Variants in NFIL3 observed in about 807,000 individuals in gnomAD.
NFIL3 encodes nuclear factor, interleukin 3 regulated, also known as nuclear factor interleukin-3-regulated protein.
In NFIL3, 5 loss-of-function variants were observed where a neutral mutation model predicts 10.0. The observed-to-expected ratio is 0.50, with a 90% CI of 0.26 to 1.06. The LOEUF is 1.06. NFIL3 is among the 50% of genes least tolerant of loss of function. The pLI, the probability that NFIL3 is intolerant of heterozygous loss-of-function variation, is 0.13. For synonymous variants in NFIL3, 202 were observed against 206.5 expected (o/e 0.98, Z 0.19); for missense variants, 436 against 547.6 (o/e 0.80, Z 2.03).
At chr9:91,427,619 T>G (rs1228195860), upstream of NFIL3, among the ~76,000 whole-genome samples, 2 of 150,128 alleles carry the variant, frequency 1.3e-5, no homozygotes, top group Non-Finnish European at 3.0e-5. Flanking sequence ...GCATACCGTT[T>G]TTGTTGTTGT....
chr9:91,409,090 A>AC lies in NFIL3; in HGVS notation c.*255dup. 1 of 349,006 alleles carries AC rather than the reference A, an allele frequency of 2.9e-6. No individual in the cohort carries two copies. The highest frequency in any genetic ancestry group is 5.1e-6 in the Non-Finnish European group (1 of 194,278). 21.6% of individuals were successfully genotyped at this position (349,006 alleles called of 1,614,324 possible). On this transcript the variant is annotated 3_prime_UTR_variant, in exon 2 of 2. Coordinates refer to ENST00000297689, the MANE Select transcript of NFIL3 (RefSeq NM_005384.3). ...CTTTATTGAAACTGGTAACTTACAC[A>AC]CTTTATAATAGAACAACAAAAATAA...
the NFIL3 span, among the ~76,000 whole-genome samples, chr9:91,465,865 T>G: frequency 6.6e-6 from 1 of 152,152 alleles, no homozygotes. Context: ...CCTCTTCACT[T>G]TAACCTTTCA....
At chr9:91,423,472 A>G (rs1024112397) in intron 1 of NFIL3, among the ~76,000 whole-genome samples, 168 bp downstream of exon 1, 1 of 151,820 alleles carries the variant, frequency 6.6e-6, no homozygotes, top group Admixed American at 6.6e-5. Context: ...CAAGGCAGCA[A>G]AAGTTTATGT....
intron 1 of NFIL3, 121 bp from the exon 2 acceptor site, chr9:91,411,027 GTTCT>G (rs1833538537): frequency 2.4e-6 from 1 of 424,218 alleles, no homozygotes; most frequent in Admixed American, 4.0e-5. Flanking sequence ...CATGGCCACA[GTTCT>G]TTCTTTCAAC....
At chr9:91,440,908 G>A in the NFIL3 span, among the ~76,000 whole-genome samples, 8 of 152,098 alleles carry the variant, frequency 5.3e-5, no homozygotes, top group Non-Finnish European at 1.0e-4. Context: ...GTTAAGGGTT[G>A]TTTTGTGGCC....
At chr9:91,415,035 T>G (rs1221392044) in intron 1 of NFIL3, among the ~76,000 whole-genome samples, 1 of 152,152 alleles carries the variant, frequency 6.6e-6, no homozygotes, top group Non-Finnish European at 1.5e-5. Context: ...AACAGAGAGA[T>G]TCTCTTATTC....
the NFIL3 span, among the ~76,000 whole-genome samples, chr9:91,453,313 C>A: frequency 6.6e-6 from 1 of 152,052 alleles, no homozygotes; most frequent in African/African-American, 2.4e-5. Flanking sequence ...ATCCCCAAGT[C>A]TGGTCACATT....
the NFIL3 span, among the ~76,000 whole-genome samples, chr9:91,460,271 C>CTTTTTTTTTTTTTTGTTT: frequency 1.4e-5 from 1 of 70,444 alleles, no homozygotes; most frequent in Non-Finnish European, 2.4e-5. Context: ...GGGCTTGGTT[C>CTTTTTTTTTTTTTTGTTT]TTTTTTTTTT....
At chr9:91,463,143 G>T in the NFIL3 span, among the ~76,000 whole-genome samples, 23 of 151,566 alleles carry the variant, frequency 1.5e-4, no homozygotes, top group African/African-American at 5.5e-4. Flanking sequence ...ACCAGCTTTT[G>T]GTTTTGTTGA....
At chr9:91,457,813 T>C in the NFIL3 span, among the ~76,000 whole-genome samples, 23 of 152,252 alleles carry the variant, frequency 1.5e-4, no homozygotes, top group African/African-American at 5.5e-4. Context: ...AGGTTTATTG[T>C]AGGTACTCTT....
chr9:91,415,450 G>A (rs1833636184), intron 1 of NFIL3, among the ~76,000 whole-genome samples: 1 of 152,096 alleles, frequency 6.6e-6, no homozygotes, highest in South Asian at 2.1e-4. Flanking sequence ...CGTACATTCA[G>A]GCCCAGTTCC....
chr9:91,415,790 A>G (rs1443776374), intron 1 of NFIL3, among the ~76,000 whole-genome samples: 2 of 151,932 alleles, frequency 1.3e-5, no homozygotes, highest in East Asian at 1.9e-4. Context: ...ACCATGCCCA[A>G]CTAATTTTGT....
At chr9:91,423,219 C>G (rs554565216) in intron 1 of NFIL3, among the ~76,000 whole-genome samples, 73 of 152,294 alleles carry the variant, frequency 4.8e-4, no homozygotes, top group African/African-American at 1.6e-3. Flanking sequence ...TCCTCTCCCC[C>G]CTACGCCGCC....
chr9:91,460,829 A>C, the NFIL3 span, among the ~76,000 whole-genome samples: 1 of 152,182 alleles, frequency 6.6e-6, no homozygotes, highest in African/African-American at 2.4e-5. Flanking sequence ...TGCATTGGGC[A>C]CCCTCTGAAA....
chr9:91,452,708 A>G, the NFIL3 span, among the ~76,000 whole-genome samples: 2 of 148,856 alleles, frequency 1.3e-5, no homozygotes, highest in Non-Finnish European at 3.0e-5. Context: ...AATCACTTGA[A>G]CTCGGGAGGC....
the NFIL3 span, among the ~76,000 whole-genome samples, chr9:91,478,567 TC>T: frequency 1.3e-5 from 2 of 152,036 alleles, no homozygotes; most frequent in Non-Finnish European, 2.9e-5. Context: ...GTTCTTAGCT[TC>T]CTTGCATTGG....
At chr9:91,430,613 AAG>A in the NFIL3 span, among the ~76,000 whole-genome samples, 8 of 152,112 alleles carry the variant, frequency 5.3e-5, no homozygotes, top group Non-Finnish European at 1.2e-4. Context: ...TACTTCCTGA[AAG>A]AGGGTATAAT....
At chr9:91,460,138 C>G in the NFIL3 span, among the ~76,000 whole-genome samples, 1 of 151,868 alleles carries the variant, frequency 6.6e-6, no homozygotes, top group Admixed American at 6.6e-5. Context: ...TGAGTAGAGT[C>G]AGAGGAGAAG....
the NFIL3 span, among the ~76,000 whole-genome samples, chr9:91,451,059 A>G: frequency 6.6e-6 from 1 of 152,150 alleles, no homozygotes; most frequent in Non-Finnish European, 1.5e-5. Flanking sequence ...TAGCCTCAAG[A>G]AAACGTTCTT....
Sources: allele counts gnomAD v4.1 joint callset (sites outside exome capture counted in the v4.1 genomes callset), GRCh38; gene constraint gnomAD v4.1.1; transcripts MANE v1.5; gene names NCBI Gene and HGNC (gene_info 2026-07-23, HGNC 2026-07-21).